The following FHAD1 variants were observed in gnomAD, a reference collection of about 807,000 sequenced individuals.
FHAD1 encodes forkhead-associated domain-containing protein 1.
Under a neutral mutation model 191.3 loss-of-function variants are expected in FHAD1, and 146 were observed. The ratio of observed to expected loss-of-function variants is 0.76; its 90% CI spans 0.67 to 0.88. The LOEUF is 0.88. Ranked by LOEUF, FHAD1 falls within the 40% of genes least tolerant of loss-of-function variation. FHAD1 has a pLI of 0.00. For synonymous variants in FHAD1, 616 were observed against 672.3 expected, an observed-to-expected ratio of 0.92 and a Z score of 1.29; for missense variants, 1,635 against 1,785.8, an observed-to-expected ratio of 0.92 and a Z score of 1.52.
intron 3 of FHAD1, among the ~76,000 whole-genome samples, chr1:15,273,343 T>C (rs939549179): frequency 2.0e-5 from 3 of 152,206 alleles, no homozygotes; most frequent in African/African-American, 7.2e-5. Flanking sequence ...TGCAGCTTTA[T>C]TGAGGTATAG....
At chr1:15,315,485 CT>C (rs34261315) in intron 8 of FHAD1, among the ~76,000 whole-genome samples, 4,494 of 121,046 alleles carry the variant, frequency 0.037, 96 homozygotes, top group African/African-American at 0.1. Flanking sequence ...TGGGTGTTTC[CT>C]TTTTTTTTTT....
At chr1:15,278,829 A>G (rs1383610695) in intron 3 of FHAD1, among the ~76,000 whole-genome samples, 1 of 152,216 alleles carries the variant, frequency 6.6e-6, no homozygotes, top group African/African-American at 2.4e-5. Context: ...GCATTTGCAT[A>G]TATAGTAATA....
Position 15,326,835 on chromosome 1 carries a change from G to A in FHAD1, c.1474-224G>A, listed in dbSNP as rs76537308. The A allele has an allele frequency of 3.8e-3, 1,946 of 508,592 alleles. 41 individuals are homozygous for A. In the East Asian group the frequency reaches 0.038, roughly 10 times the overall value. 31.5% of individuals were successfully genotyped at this position (508,592 alleles called of 1,614,324 possible). On this transcript the variant is annotated intron_variant, in intron 11 of 33. Coordinates refer to ENST00000688493, the MANE Select transcript of FHAD1 (RefSeq NM_001391957.1). Reference sequence around the variant, plus strand: ...TGTGCACTGACCACAGGCATCGTTCGGGTTAGGCAGGCGTGCCTAAAAAGT... The same window carrying A: ...TGTGCACTGACCACAGGCATCGTTCAGGTTAGGCAGGCGTGCCTAAAAAGT...
chr1:15,382,241 TC>T, intron 31 of FHAD1, 48 bp downstream of exon 31: 1 of 1,535,252 alleles, frequency 6.5e-7, no homozygotes, highest in Non-Finnish European at 8.8e-7. Flanking sequence ...GCCCTGCAGC[TC>T]CCATTAGCAA....
At position 15,326,965 on chromosome 1, in the gene FHAD1, T is replaced by G. The variant is rs1017845288; in HGVS notation, c.1474-94T>G. ...GGTCATTCAGGCGTGCAAACCCTGC[T>G]AAGTGGTGTTTCCCGCACCCTGCCA... On this transcript the variant is annotated intron_variant, in intron 11 of 33. Coordinates refer to ENST00000688493, the MANE Select transcript of FHAD1 (RefSeq NM_001391957.1). 6 of 726,400 alleles carry G rather than the reference T, an allele frequency of 8.3e-6. No homozygotes were observed. In the East Asian group the frequency reaches 1.7e-4, roughly 20 times the overall value. 45.0% of individuals were successfully genotyped at this position (726,400 alleles called of 1,614,324 possible).
At chr1:15,292,616 G>A (rs1223557296) in intron 4 of FHAD1, among the ~76,000 whole-genome samples, 3 of 152,204 alleles carry the variant, frequency 2.0e-5, no homozygotes, top group Non-Finnish European at 4.4e-5. Flanking sequence ...AAATGAGGTA[G>A]TTAGGTTGGG....
chr1:15,370,902 C>T (rs534089463), intron 26 of FHAD1, among the ~76,000 whole-genome samples: 5 of 152,270 alleles, frequency 3.3e-5, no homozygotes, highest in South Asian at 2.1e-4. Flanking sequence ...GCTTGCTTTC[C>T]GGCTCTCTCA....
Position 15,342,842 on chromosome 1 carries a change from G to T in FHAD1, c.2130+954G>T, listed in dbSNP as rs374371465. On this transcript the variant is annotated intron_variant, in intron 16 of 33. Transcript: ENST00000688493. ...ACCCAGCTAATTATTATTTTTTTTT[G>T]TAGAGATGGGATCTTGCAATGTTGC... Among the ~76,000 whole-genome samples the T allele has an allele frequency of 2.0e-5, 3 of 148,824 alleles. No individual in the cohort carries two copies. The South Asian group carries it at 6.4e-4, about 32-fold the overall frequency.
At chr1:15,247,833 T>G (rs1287747800) in intron 1 of FHAD1, among the ~76,000 whole-genome samples, 1 of 152,170 alleles carries the variant, frequency 6.6e-6, no homozygotes, top group Admixed American at 6.5e-5. Flanking sequence ...CAACAGAAAT[T>G]TTGCTTCTCT....
chr1:15,295,099 A>G (rs1357370748), intron 4 of FHAD1, among the ~76,000 whole-genome samples: 1 of 152,174 alleles, frequency 6.6e-6, no homozygotes, highest in Non-Finnish European at 1.5e-5. Context: ...GAAGGTCAAT[A>G]TATTTACTGC....
intron 32 of FHAD1, among the ~76,000 whole-genome samples, chr1:15,389,147 C>CA (rs1703128217): frequency 1.3e-5 from 2 of 152,086 alleles, no homozygotes; most frequent in Admixed American, 1.3e-4. Flanking sequence ...CCAAGTTCCT[C>CA]AAAGGATTTT....
At chr1:15,288,235 G>C (rs1393365766) in intron 3 of FHAD1, among the ~76,000 whole-genome samples, 1 of 152,198 alleles carries the variant, frequency 6.6e-6, no homozygotes, top group Admixed American at 6.5e-5. Flanking sequence ...GAATCAATAA[G>C]CTCGGTGCAA....
chr1:15,329,194 TA>T lies in FHAD1; in HGVS notation c.1711-146del, dbSNP rs1558128321. On this transcript the variant is annotated intron_variant, in intron 13 of 33. Coordinates refer to ENST00000688493, the MANE Select transcript of FHAD1 (RefSeq NM_001391957.1). The surrounding 1 kb of genome is among the most constrained non-coding windows in gnomAD (Gnocchi z 5.0). ...AAAACCTGTCAAAACATAAAAATTT[TA>T]AAAAAGAAAAAAACTGAGTCCTCCC... 1 of 583,318 alleles carries T rather than the reference TA, an allele frequency of 1.7e-6. No homozygotes were observed. Among genetic ancestry groups the T allele is most frequent in the South Asian group, 3.9e-5 (1 of 25,774 alleles). 36.1% of individuals were successfully genotyped at this position (583,318 alleles called of 1,614,324 possible). A position where few individuals can be genotyped will look rare whatever the true frequency, so the allele number is the denominator to read the frequency against.
chr1:15,348,255 T>G (rs962423548), intron 18 of FHAD1, among the ~76,000 whole-genome samples: 1 of 152,228 alleles, frequency 6.6e-6, no homozygotes, highest in African/African-American at 2.4e-5. Context: ...CAGGCTCATC[T>G]GGGGCCCTAA....
intron 24 of FHAD1, among the ~76,000 whole-genome samples, chr1:15,366,874 T>G (rs536804809): frequency 5.3e-5 from 8 of 152,302 alleles, no homozygotes; most frequent in Non-Finnish European, 8.8e-5. Context: ...CTTTCCCATC[T>G]CTACTCTCCC....
chr1:15,363,843 C>T (rs781047987), intron 23 of FHAD1: 13 of 454,098 alleles, frequency 2.9e-5, no homozygotes, highest in East Asian at 6.9e-5. Context: ...AAGGAGGCGC[C>T]GATGGGATGC....
rs1053682300 is a variant in FHAD1, at chr1:15,327,868, T to G, written c.1558-409T>G. The G allele has an allele frequency of 6.6e-6, 1 of 152,546 alleles. No individual in the cohort carries two copies. Among genetic ancestry groups the G allele is most frequent in the African/African-American group, 2.4e-5 (1 of 41,396 alleles). 9.4% of individuals were successfully genotyped at this position (152,546 alleles called of 1,614,324 possible). ...GACCAACATGGTAAAACCCCATCTC[T>G]ATTAAAAATACAAAATTAGCCGGGC... is the stretch of plus-strand genomic sequence containing the variant. On this transcript the variant is annotated intron_variant, in intron 12 of 33. Coordinates refer to ENST00000688493, the MANE Select transcript of FHAD1 (RefSeq NM_001391957.1). This position sits in a 1 kb window ranked among gnomAD's most constrained non-coding sequence, Gnocchi z 5.1.
In FHAD1 at chr1:15,326,848, G is replaced by A. The variant is rs141798985; in HGVS notation, c.1474-211G>A. 405 of 534,156 alleles carry A rather than the reference G, an allele frequency of 7.6e-4. 1 individual carries two copies. Among genetic ancestry groups the A allele is most frequent in the African/African-American group, 1.2e-3 (65 of 52,120 alleles). 33.1% of individuals were successfully genotyped at this position (534,156 alleles called of 1,614,324 possible). On this transcript the variant is annotated intron_variant, in intron 11 of 33. Transcript: ENST00000688493. Reference sequence around the variant, plus strand: ...CAGGCATCGTTCGGGTTAGGCAGGCGTGCCTAAAAAGTAATTAAAGCCTGC... The same window carrying A: ...CAGGCATCGTTCGGGTTAGGCAGGCATGCCTAAAAAGTAATTAAAGCCTGC...
intron 7 of FHAD1, 24 bp from the exon 8 acceptor site, chr1:15,313,033 C>T (rs746519179): frequency 9.3e-5 from 145 of 1,551,142 alleles, no homozygotes; most frequent in Non-Finnish European, 1.2e-4. Context: ...CCTCTTTGAC[C>T]TCTGCGAGTC....
Sources: allele counts gnomAD v4.1 joint callset (sites outside exome capture counted in the v4.1 genomes callset), GRCh38; gene constraint gnomAD v4.1.1; non-coding constraint Gnocchi (gnomAD v3.1); transcripts MANE v1.5; gene names NCBI Gene and HGNC (gene_info 2026-07-23, HGNC 2026-07-21).